The following KCNIP4 variants were observed in gnomAD, a reference collection of about 807,000 sequenced individuals.
The protein encoded by KCNIP4 is Kv channel-interacting protein 4.
A neutral mutation model predicts 34.0 loss-of-function variants in KCNIP4; 12 were observed. The observed-to-expected ratio is 0.35, with a 90% CI of 0.23 to 0.57. The LOEUF (loss-of-function observed/expected upper bound fraction) is 0.57, where lower values mean the gene tolerates loss of function less well. Ranked by LOEUF, KCNIP4 falls within the 20% of genes least tolerant of loss-of-function variation. The pLI, the probability that KCNIP4 is intolerant of heterozygous loss-of-function variation, is 0.83. For missense variants in KCNIP4, 238 were observed against 311.7 expected (o/e 0.76, Z 1.78); for synonymous variants, 124 against 102.2 (o/e 1.21, Z -1.29).
intron 1 of KCNIP4, among the ~76,000 whole-genome samples, chr4:21,535,669 C>G (rs1262035506): frequency 2.0e-5 from 3 of 152,106 alleles, no homozygotes; most frequent in African/African-American, 7.2e-5. Context: ...TTTCCTTAAT[C>G]CTGCGTTTTA....
intron 2 of KCNIP4, among the ~76,000 whole-genome samples, chr4:20,878,758 C>T (rs1017325449): frequency 5.3e-5 from 8 of 152,090 alleles, no homozygotes; most frequent in Non-Finnish European, 8.8e-5. Context: ...TGAGGCACAA[C>T]AGGAATTCAA....
intron 1 of KCNIP4, among the ~76,000 whole-genome samples, chr4:21,891,502 A>G (rs1449114598): frequency 1.3e-5 from 2 of 152,116 alleles, no homozygotes; most frequent in Non-Finnish European, 2.9e-5. Context: ...AATCTGAAGT[A>G]CATATGGGCA....
chr4:21,009,662 C>T (rs1284114102), intron 1 of KCNIP4, among the ~76,000 whole-genome samples: 1 of 152,202 alleles, frequency 6.6e-6, no homozygotes, highest in Admixed American at 6.6e-5. Context: ...ATTCTTACAG[C>T]TTCATTCTCA....
intron 1 of KCNIP4, among the ~76,000 whole-genome samples, chr4:21,931,171 T>A (rs959613038): frequency 2.6e-5 from 4 of 152,116 alleles, no homozygotes; most frequent in Admixed American, 1.3e-4. Flanking sequence ...GCCCATCTTT[T>A]ACTTCTTTGC....
At position 21,172,736 on chromosome 4, in the gene KCNIP4, G is replaced by A. The variant is rs145157660; in HGVS notation, c.62-290027C>T. ...CCACTCTGGTCCAAGTATTGGATTC[G>A]GTGGCTTATTGGCCTCATTTTATCC... On this transcript the variant is annotated intron_variant, in intron 1 of 8. Transcript: ENST00000382152. 7.1e-3 allele frequency among the ~76,000 whole-genome samples: 1,084 copies of A among 152,224 alleles called. 20 individuals are homozygous for A. The highest frequency in any genetic ancestry group is 0.025 in the African/African-American group (1,025 of 41,538).
intron 1 of KCNIP4, among the ~76,000 whole-genome samples, chr4:21,297,662 G>C (rs1394582019): frequency 6.6e-6 from 1 of 152,066 alleles, no homozygotes; most frequent in African/African-American, 2.4e-5. Context: ...AGTTTCTGCA[G>C]GATGTTTTGT....
At chr4:21,344,034 G>A (rs761135982) in intron 1 of KCNIP4, among the ~76,000 whole-genome samples, 3 of 152,118 alleles carry the variant, frequency 2.0e-5, no homozygotes, top group African/African-American at 4.8e-5. Flanking sequence ...ATAGGAGTAT[G>A]ACTGTCTAGG....
Position 20,940,613 on chromosome 4 carries a change from G to A in KCNIP4, c.62-57904C>T, listed in dbSNP as rs115459042. On this transcript the variant is annotated intron_variant, in intron 1 of 8. Transcript: ENST00000382152. ...TCTTGTGTAGTAATTTCCTATAAGG[G>A]ATATTCTGACTGTTGGCTCTTTCTT... Among the ~76,000 whole-genome samples the A allele has an allele frequency of 6.7e-3, 1,015 of 152,150 alleles. 10 individuals are homozygous for A. Among genetic ancestry groups the A allele is most frequent in the African/African-American group, 0.023 (956 of 41,528 alleles).
At chr4:21,531,346 CCCCTCCCTCCCT>C (rs1232382967) in intron 1 of KCNIP4, among the ~76,000 whole-genome samples, 8 of 89,680 alleles carry the variant, frequency 8.9e-5, no homozygotes, top group African/African-American at 2.7e-4. Context: ...CCTTCCCCTC[CCCCTCCCTCCCT>C]CCCTCCCTCC....
At chr4:21,397,842 A>G (rs1303830387) in intron 1 of KCNIP4, among the ~76,000 whole-genome samples, 2 of 152,066 alleles carry the variant, frequency 1.3e-5, no homozygotes, top group African/African-American at 4.8e-5. Flanking sequence ...TTTTTCCCTA[A>G]AAGGGATTGA....
intron 3 of KCNIP4, among the ~76,000 whole-genome samples, chr4:20,827,689 C>A (rs1717921209): frequency 6.6e-6 from 1 of 152,078 alleles, no homozygotes; most frequent in East Asian, 1.9e-4. Flanking sequence ...CTTATATTTT[C>A]TCACATAATC....
intron 3 of KCNIP4, among the ~76,000 whole-genome samples, chr4:20,832,662 A>T (rs113234000): frequency 3.3e-5 from 5 of 152,190 alleles, no homozygotes; most frequent in African/African-American, 1.2e-4. Context: ...AATGGTTGAA[A>T]AATCACTTTA....
intron 1 of KCNIP4, among the ~76,000 whole-genome samples, chr4:21,232,271 C>T (rs543441598): frequency 1.2e-4 from 18 of 152,090 alleles, no homozygotes; most frequent in Admixed American, 8.5e-4. Flanking sequence ...GAAATGTAAT[C>T]GATTTGTTGA....
At chr4:20,844,608 C>T (rs193072487) in intron 3 of KCNIP4, among the ~76,000 whole-genome samples, 1 of 152,270 alleles carries the variant, frequency 6.6e-6, no homozygotes, top group Admixed American at 6.5e-5. Context: ...GCAGTGAATT[C>T]CTCTGTCCTA....
Position 21,223,167 on chromosome 4 carries a change from G to A in KCNIP4, c.62-340458C>T, listed in dbSNP as rs577272129. Among the ~76,000 whole-genome samples the A allele has an allele frequency of 4.6e-5, 7 of 150,866 alleles. No homozygotes were observed. In the East Asian group the frequency reaches 1.4e-3, roughly 29 times the overall value. ...ATCACAGGGGTCCTTATAAGTGGGA[G>A]GCAAGTGGGGCAGGGTCAGAAAAAG... On this transcript the variant is annotated intron_variant, in intron 1 of 8. Coordinates refer to ENST00000382152, the MANE Select transcript of KCNIP4 (RefSeq NM_025221.6).
intron 1 of KCNIP4, among the ~76,000 whole-genome samples, chr4:21,352,185 C>T (rs547985241): frequency 2.0e-5 from 3 of 152,234 alleles, no homozygotes; most frequent in South Asian, 4.1e-4. Context: ...GAAACAGCTC[C>T]GGTCTGCAGC....
At chr4:20,932,743 T>G (rs7676308) in intron 1 of KCNIP4, among the ~76,000 whole-genome samples, 1 of 152,028 alleles carries the variant, frequency 6.6e-6, no homozygotes, top group Non-Finnish European at 1.5e-5. Flanking sequence ...CAACTTTCAG[T>G]TTTTAAAGAT....
chr4:21,938,855 T>C (rs6815147), intron 1 of KCNIP4, among the ~76,000 whole-genome samples: 98,393 of 152,032 alleles, frequency 0.65, 32,322 homozygotes, highest in East Asian at 0.9. Context: ...TTCCTATACC[T>C]TAAACAATTA....
intron 1 of KCNIP4, among the ~76,000 whole-genome samples, chr4:21,061,686 A>G (rs1411729182): frequency 6.6e-6 from 1 of 152,164 alleles, no homozygotes; most frequent in African/African-American, 2.4e-5. Flanking sequence ...TTTCTGTAAC[A>G]ACAGTGTGAT....
Sources: gnomAD v4.1 joint callset for allele counts (sites outside exome capture counted in the v4.1 genomes callset) on GRCh38, gnomAD v4.1.1 for gene constraint, MANE v1.5 for transcripts, NCBI Gene and HGNC (gene_info 2026-07-23, HGNC 2026-07-21) for gene names.